The following PLCE1 variants were observed in gnomAD, a reference collection of about 807,000 sequenced individuals.
PLCE1 encodes the protein phospholipase C epsilon 1, also known as 1-phosphatidylinositol 4,5-bisphosphate phosphodiesterase epsilon-1.
In PLCE1, 119 loss-of-function variants were observed where a neutral mutation model predicts 242.8. That is an observed-to-expected ratio of 0.49 (90% confidence interval 0.42 to 0.57). The LOEUF (loss-of-function observed/expected upper bound fraction) is 0.57, where lower values mean the gene tolerates loss of function less well. PLCE1 is among the 20% of genes least tolerant of loss of function. The pLI, the probability that PLCE1 is intolerant of heterozygous loss-of-function variation, is 0.00. For synonymous variants in PLCE1, 945 were observed against 1,017.4 expected (o/e 0.93, Z 1.35); for missense variants, 2,441 against 2,788.8 (o/e 0.88, Z 2.81).
chr10:94,005,317 A>G (rs116855308), intron 1 of PLCE1, among the ~76,000 whole-genome samples: 1 of 152,194 alleles, frequency 6.6e-6, no homozygotes, highest in Non-Finnish European at 1.5e-5. Flanking sequence ...GAAGCCATTC[A>G]GGTTAATCTA....
intron 1 of PLCE1, among the ~76,000 whole-genome samples, chr10:94,006,250 G>T (rs1211620532): frequency 3.3e-5 from 5 of 152,220 alleles, no homozygotes; most frequent in Admixed American, 3.3e-4. Flanking sequence ...ATGAAATAGA[G>T]CATGTAAAGC....
At chr10:94,115,394 G>C (rs963804668) in intron 2 of PLCE1, among the ~76,000 whole-genome samples, 10 of 152,254 alleles carry the variant, frequency 6.6e-5, no homozygotes, top group Admixed American at 3.3e-4. Flanking sequence ...ACAGTTAAAA[G>C]TGTTCCTATT....
chr10:94,041,659 T>A (rs1350638060), intron 2 of PLCE1, among the ~76,000 whole-genome samples: 4 of 152,182 alleles, frequency 2.6e-5, no homozygotes, highest in South Asian at 2.1e-4. Flanking sequence ...GAACCCCCAG[T>A]GCTTCCTAGA....
intron 23 of PLCE1, among the ~76,000 whole-genome samples, chr10:94,297,020 C>T (rs2052848810): frequency 6.6e-6 from 1 of 151,858 alleles, no homozygotes; most frequent in Non-Finnish European, 1.5e-5. Flanking sequence ...ATGACAGGCG[C>T]GTGTGCCTGG....
intron 3 of PLCE1, among the ~76,000 whole-genome samples, chr10:94,167,838 G>T (rs2047856847): frequency 6.6e-6 from 1 of 151,868 alleles, no homozygotes; most frequent in African/African-American, 2.4e-5. Flanking sequence ...GGCACCCACT[G>T]CCGTGCCTGG....
rs369517030 is a variant in PLCE1 at position 94,132,298 on chromosome 10, A to C, written c.1331A>C (p.Gln444Pro). The change falls in exon 3 of 33, where the codon CAA becomes CCA. Residue 444 changes from glutamine (Q) to proline (P), a missense_variant. Around this residue, in one of 5 missense-constraint regions of PLCE1, gnomAD observed 733 missense variants for 754.2 expected, o/e 0.97. Coordinates refer to ENST00000371380, the MANE Select transcript of PLCE1 (RefSeq NM_016341.4). ...ATAAGCGTTGGTCCATGCTTAAAGC[A>C]ATGTGTCCGAGACACTGTATGTGAG... ...GRISVGPCLK[Q>P]CVRDTVCEYR... 109 of 1,613,968 alleles carry C rather than the reference A, an allele frequency of 6.8e-5. No individual in the cohort carries two copies. The highest frequency in any genetic ancestry group is 9.2e-5 in the Non-Finnish European group (108 of 1,180,014).
intron 22 of PLCE1, chr10:94,286,880 G>A (rs1297430447): frequency 5.3e-5 from 8 of 152,322 alleles, no homozygotes; most frequent in East Asian, 1.9e-4. Context: ...CTTCATTGCA[G>A]GAACAAGGAT....
intron 7 of PLCE1, among the ~76,000 whole-genome samples, chr10:94,240,681 A>G (rs2050475753): frequency 2.6e-5 from 4 of 152,160 alleles, no homozygotes; most frequent in African/African-American, 9.7e-5. Context: ...GTTAACAAAT[A>G]CCTGTTGATC....
At chr10:94,093,373 GC>G (rs1305459735) in intron 2 of PLCE1, among the ~76,000 whole-genome samples, 3 of 152,164 alleles carry the variant, frequency 2.0e-5, no homozygotes, top group Non-Finnish European at 4.4e-5. Flanking sequence ...AGAATTACCA[GC>G]CCCTTACAAT....
chr10:94,246,082 A>G lies in PLCE1; in HGVS notation c.2557A>G (p.Ile853Val). Residue 853 changes from isoleucine (I) to valine (V), a missense_variant, in exon 8 of 33, where the codon ATC (isoleucine) becomes GTC (valine). Physicochemically the swap from Ile to Val is conservative, Grantham distance 29. Transcript: ENST00000371380. ...GCTCATCCCTTGGTACGTGCTGTCC[A>G]TCCAAGCCGATGTGCACCAGTTCCT... ...TELIPWYVLS[I>V]QADVHQFLLQ... The G allele has an allele frequency of 1.9e-6, 3 of 1,614,136 alleles. No homozygotes were observed. Among genetic ancestry groups the G allele is most frequent in the Non-Finnish European group, 2.5e-6 (3 of 1,180,018 alleles).
chr10:94,234,414 C>A, intron 6 of PLCE1, 102 bp downstream of exon 6: 1 of 1,236,066 alleles, frequency 8.1e-7, no homozygotes, highest in East Asian at 2.3e-5. Context: ...TGATTGAACA[C>A]AGGGTTAATA....
chr10:94,007,785 ATGCACATGCACATAAAGATATACTTT>A (rs1564620888), intron 1 of PLCE1, among the ~76,000 whole-genome samples: 7 of 143,388 alleles, frequency 4.9e-5, no homozygotes, highest in African/African-American at 1.8e-4. Context: ...AGTTACACAC[ATGCACATGCACATAAAGATATACTTT>A]TGTTTTCGTG....
chr10:94,301,748 C>T (rs1172487387), intron 24 of PLCE1, among the ~76,000 whole-genome samples: 1 of 152,202 alleles, frequency 6.6e-6, no homozygotes. Context: ...GGTATGCAAA[C>T]CCCTGGTTAT....
At chr10:94,125,920 T>C (rs1362600146) in intron 2 of PLCE1, among the ~76,000 whole-genome samples, 1 of 152,184 alleles carries the variant, frequency 6.6e-6, no homozygotes, top group East Asian at 1.9e-4. Context: ...GCTGTGGATG[T>C]GGTGTGTCTG....
chr10:94,070,832 G>A (rs1030934886), intron 2 of PLCE1, among the ~76,000 whole-genome samples: 3 of 152,072 alleles, frequency 2.0e-5, no homozygotes, highest in Admixed American at 1.3e-4. Context: ...CCTACATACA[G>A]GCTCAATTCC....
chr10:94,132,199 A>C lies in PLCE1; in HGVS notation c.1232A>C (p.Glu411Ala). 1 of 1,614,168 alleles carries C rather than the reference A, an allele frequency of 6.2e-7. No individual in the cohort carries two copies. The highest frequency in any genetic ancestry group is 1.6e-4 in the Middle Eastern group (1 of 6,062). ...YPIYNAVRRE[E>A]TENTVGSLLH... ...ATCTACAATGCAGTGAGAAGAGAAGAAACAGAAAATACAGTTGGATCTCTA... is the reference window on the plus strand; with the variant it reads ...ATCTACAATGCAGTGAGAAGAGAAGCAACAGAAAATACAGTTGGATCTCTA... The change falls in exon 3 of 33, where the codon GAA (glutamate) becomes GCA (alanine). Residue 411 changes from glutamate to alanine, a missense_variant. Physicochemically the swap from Glu to Ala is moderately radical, Grantham distance 107. Transcript: ENST00000371380.
At chr10:93,998,745 C>T (rs1271922614) in intron 1 of PLCE1, among the ~76,000 whole-genome samples, 2 of 152,162 alleles carry the variant, frequency 1.3e-5, no homozygotes, top group Admixed American at 6.6e-5. Flanking sequence ...AGATGGTAGG[C>T]TAGATCATGA....
chr10:94,012,300 A>G (rs1368122475), intron 1 of PLCE1, among the ~76,000 whole-genome samples: 1 of 151,730 alleles, frequency 6.6e-6, no homozygotes, highest in East Asian at 1.9e-4. Context: ...ACACATGCCT[A>G]TGGAATTCTG....
Position 94,254,765 on chromosome 10 carries a change from T to A in PLCE1, c.3398-128T>A. The A allele has an allele frequency of 3.0e-6, 3 of 998,614 alleles. No homozygotes were observed. The South Asian group carries it at 3.9e-5, about 13-fold the overall frequency. The allele number at this position is 998,614 out of a possible 1,614,324, so 61.9% of individuals were successfully genotyped here. A position where few individuals can be genotyped will look rare whatever the true frequency, so the allele number is the denominator to read the frequency against. On this transcript the variant is annotated intron_variant, in intron 10 of 32. Transcript: ENST00000371380. ...CCCATTCATAAAGATATTTTGGTGCTGCTTGTATAGAAACCAGCTGCATAG... is the reference window on the plus strand; with the variant it reads ...CCCATTCATAAAGATATTTTGGTGCAGCTTGTATAGAAACCAGCTGCATAG...
Sources: gnomAD v4.1 joint callset for allele counts (sites outside exome capture counted in the v4.1 genomes callset) on GRCh38, gnomAD v4.1.1 for gene constraint, gnomAD v4.1.1 regional missense constraint, MANE v1.5 for transcripts, NCBI Gene and HGNC (gene_info 2026-07-23, HGNC 2026-07-21) for gene names.